The following KLHL29 variants were observed in gnomAD, a reference collection of about 807,000 sequenced individuals.
KLHL29 encodes the protein kelch-like protein 29.
Under a neutral mutation model 80.4 loss-of-function variants are expected in KLHL29, and 21 were observed. The observed-to-expected ratio is 0.26, with a 90% CI of 0.19 to 0.38. KLHL29 has a LOEUF of 0.38. KLHL29 is among the 10% of genes least tolerant of loss of function. The pLI, the probability that KLHL29 is intolerant of heterozygous loss-of-function variation, is 1.00. For synonymous variants in KLHL29, 511 were observed against 526.8 expected (o/e 0.97, Z 0.41); for missense variants, 867 against 1,223.9 (o/e 0.71, Z 4.35).
At chr2:23,635,650 C>T (rs1669588890) in intron 3 of KLHL29, among the ~76,000 whole-genome samples, 1 of 152,242 alleles carries the variant, frequency 6.6e-6, no homozygotes, top group South Asian at 2.1e-4. Flanking sequence ...AATGATGCAT[C>T]CCATTAGCAT....
At chr2:23,666,373 AC>A (rs1670552814) in intron 5 of KLHL29, among the ~76,000 whole-genome samples, 1 of 151,996 alleles carries the variant, frequency 6.6e-6, no homozygotes, top group African/African-American at 2.4e-5. Flanking sequence ...AGCTCCCTCC[AC>A]CCCAGGCAGC....
rs1004486152 is a variant in KLHL29 at position 23,691,703 on chromosome 2, G to C, written c.1109G>C (p.Arg370Pro). 6.4e-7 allele frequency: 1 copy of C among 1,551,776 alleles called. No individual in the cohort carries two copies. The change falls in exon 7 of 14, where the codon CGG (arginine) becomes CCG (proline). Residue 370 changes from arginine (R) to proline (P), a missense_variant. Physicochemically the swap from Arg to Pro is moderately radical, Grantham distance 103 (BLOSUM62 -2). Around this residue, in one of 2 missense-constraint regions of KLHL29, gnomAD observed 443 missense variants for 767.0 expected, o/e 0.58. Transcript: ENST00000486442. ...RSVQDSGQGG[R>P]EKLELVLSNL... Reference sequence around the variant, plus strand: ...GTGCAAGACAGCGGCCAGGGCGGCCGGGAGAAGCTGGAGCTCGTCCTGTCG... The same window carrying C: ...GTGCAAGACAGCGGCCAGGGCGGCCCGGAGAAGCTGGAGCTCGTCCTGTCG...
At chr2:23,642,884 C>T (rs1018183996) in intron 5 of KLHL29, 34 bp downstream of exon 5, 3 of 1,549,794 alleles carry the variant, frequency 1.9e-6, no homozygotes, top group Non-Finnish European at 2.6e-6. Flanking sequence ...CCCCACGGGC[C>T]TGCGTCTGCA....
At chr2:23,532,509 T>A in intron 2 of KLHL29, 1 of 452,972 alleles carries the variant, frequency 2.2e-6, no homozygotes, top group Middle Eastern at 3.3e-4. Flanking sequence ...CTTTGTGGGA[T>A]GTGCATCGCC....
intron 2 of KLHL29, among the ~76,000 whole-genome samples, chr2:23,506,099 T>C (rs7566604): frequency 0.013 from 2,029 of 152,304 alleles, 52 homozygotes; most frequent in African/African-American, 0.046. Context: ...TGAGAACCCT[T>C]GGTATCCTTT....
chr2:23,458,431 A>G (rs1218087605), intron 1 of KLHL29, among the ~76,000 whole-genome samples: 2 of 152,234 alleles, frequency 1.3e-5, no homozygotes, highest in South Asian at 2.1e-4. Flanking sequence ...GAAAGACTCT[A>G]TTGACAAAAC....
intron 3 of KLHL29, among the ~76,000 whole-genome samples, chr2:23,599,205 C>T (rs143536916): frequency 2.6e-5 from 4 of 152,210 alleles, no homozygotes; most frequent in South Asian, 2.1e-4. Flanking sequence ...CTCCAAGATA[C>T]GGGTTCAAGG....
chr2:23,549,511 C>T (rs1381203155), intron 2 of KLHL29, among the ~76,000 whole-genome samples: 2 of 151,770 alleles, frequency 1.3e-5, no homozygotes, highest in South Asian at 2.1e-4. Flanking sequence ...AGAATAAAGA[C>T]GATGAAAATC....
chr2:23,413,047 CA>C (rs909535686), intron 1 of KLHL29, among the ~76,000 whole-genome samples: 1 of 152,046 alleles, frequency 6.6e-6, no homozygotes, highest in Non-Finnish European at 1.5e-5. Flanking sequence ...CGTTTGCCTT[CA>C]AAAAAATGCC....
At chr2:23,423,788 C>T (rs929329711) in intron 1 of KLHL29, among the ~76,000 whole-genome samples, 11 of 152,200 alleles carry the variant, frequency 7.2e-5, no homozygotes, top group Non-Finnish European at 1.3e-4. Context: ...CTGGAGTGTC[C>T]TAGCCAGGTA....
chr2:23,562,084 TG>T lies in KLHL29; in HGVS notation c.-45-66del. 2 of 1,247,216 alleles carry T rather than the reference TG, an allele frequency of 1.6e-6. No individual in the cohort carries two copies. The highest frequency in any genetic ancestry group is 1.1e-6 in the Non-Finnish European group (1 of 894,762). The allele number at this position is 1,247,216 out of a possible 1,614,324, so 77.3% of individuals were successfully genotyped here. A position where few individuals can be genotyped will look rare whatever the true frequency, so the allele number is the denominator to read the frequency against. Reference sequence around the variant, plus strand: ...TATTGAACCCAGAGAAGGGGCTTCATGGATGCTGTCAGTTGTCGCTGCCTGC... The same window carrying T: ...TATTGAACCCAGAGAAGGGGCTTCATGATGCTGTCAGTTGTCGCTGCCTGC... On this transcript the variant is annotated intron_variant, in intron 2 of 13. Coordinates refer to ENST00000486442, the MANE Select transcript of KLHL29 (RefSeq NM_052920.2). The surrounding 1 kb of genome is among the most constrained non-coding windows in gnomAD (Gnocchi z 4.5).
intron 2 of KLHL29, among the ~76,000 whole-genome samples, chr2:23,549,231 C>T (rs544155572): frequency 2.0e-5 from 3 of 152,330 alleles, no homozygotes; most frequent in African/African-American, 4.8e-5. Context: ...TCCCAGGCTG[C>T]CCAGCGGGGG....
intron 5 of KLHL29, among the ~76,000 whole-genome samples, chr2:23,653,698 C>G (rs1183316383): frequency 6.6e-6 from 1 of 152,178 alleles, no homozygotes; most frequent in Non-Finnish European, 1.5e-5. Context: ...AACTCTGACT[C>G]GAGAATATGG....
chr2:23,606,793 G>A (rs1406672375), intron 3 of KLHL29, among the ~76,000 whole-genome samples: 1 of 152,218 alleles, frequency 6.6e-6, no homozygotes, highest in Non-Finnish European at 1.5e-5. Flanking sequence ...CACTGTCCTA[G>A]TCCCTTAGAC....
At chr2:23,517,417 C>T (rs534430605) in intron 2 of KLHL29, among the ~76,000 whole-genome samples, 3 of 152,278 alleles carry the variant, frequency 2.0e-5, no homozygotes, top group East Asian at 3.9e-4. Context: ...GTGGCACGCA[C>T]CTGTAGTCCC....
chr2:23,647,080 C>T lies in KLHL29; in HGVS notation c.940+4230C>T, dbSNP rs139920969. 5.9e-4 allele frequency among the ~76,000 whole-genome samples: 90 copies of T among 152,332 alleles called. 4 individuals are homozygous for T. Among genetic ancestry groups the T allele is most frequent in the African/African-American group, 2.0e-3 (84 of 41,572 alleles). On this transcript the variant is annotated intron_variant, in intron 5 of 13. Transcript: ENST00000486442. This position sits in a 1 kb window ranked among gnomAD's most constrained non-coding sequence, Gnocchi z 4.9. ...GAGATGGAAGAAGCCCATGCTTGTCCACAGGGCTGGCAATCCCTGGTCAAG... is the reference window on the plus strand; with the variant it reads ...GAGATGGAAGAAGCCCATGCTTGTCTACAGGGCTGGCAATCCCTGGTCAAG...
At chr2:23,702,769 C>T (rs537137326) in intron 11 of KLHL29, among the ~76,000 whole-genome samples, 1 of 152,342 alleles carries the variant, frequency 6.6e-6, no homozygotes, top group Non-Finnish European at 1.5e-5. Context: ...GCCATAAGCA[C>T]CTCGAGGGCA....
intron 1 of KLHL29, among the ~76,000 whole-genome samples, chr2:23,417,159 C>G (rs1666996894): frequency 6.6e-6 from 1 of 152,152 alleles, no homozygotes; most frequent in Non-Finnish European, 1.5e-5. Flanking sequence ...ACCAAGACCC[C>G]TGCTTGGTTC....
chr2:23,707,620 T>TA lies in KLHL29; in HGVS notation c.*957dup, dbSNP rs1369766361. 3 of 152,204 alleles carry TA rather than the reference T, an allele frequency of 2.0e-5. No homozygotes were observed. Among genetic ancestry groups the TA allele is most frequent in the Admixed American group, 2.0e-4 (3 of 15,280 alleles). 9.4% of individuals were successfully genotyped at this position (152,204 alleles called of 1,614,324 possible). A position where few individuals can be genotyped will look rare whatever the true frequency, so the allele number is the denominator to read the frequency against. ...GTGCCCAAGGAAGAAGAGTCTGCTC[T>TA]AGAAGGAGCCCGGTTCTGGCTCAGG... On this transcript the variant is annotated 3_prime_UTR_variant, in exon 14 of 14. Transcript: ENST00000486442.
Sources: gnomAD v4.1 joint callset for allele counts (sites outside exome capture counted in the v4.1 genomes callset) on GRCh38, gnomAD v4.1.1 for gene constraint, gnomAD v4.1.1 regional missense constraint, Gnocchi (gnomAD v3.1) non-coding constraint, MANE v1.5 for transcripts, NCBI Gene and HGNC (gene_info 2026-07-23, HGNC 2026-07-21) for gene names.